Variants in TMC1 observed in about 807,000 individuals in gnomAD.
TMC1 encodes the protein transmembrane channel like 1, also known as transmembrane channel-like protein 1.
TMC1 carries 84 observed loss-of-function variants against 105.8 expected under a neutral mutation model. The ratio of observed to expected loss-of-function variants is 0.79; its 90% CI spans 0.67 to 0.95. TMC1 has a LOEUF of 0.95. TMC1 is among the 40% of genes least tolerant of loss of function. TMC1 has a pLI of 0.00. For missense variants in TMC1, 817 were observed against 914.1 expected (o/e 0.89, Z 1.37); for synonymous variants, 315 against 311.5 (o/e 1.01, Z -0.12).
chr9:72,550,000 G>A (rs1019473649), intron 1 of TMC1, among the ~76,000 whole-genome samples: 14 of 151,508 alleles, frequency 9.2e-5, no homozygotes, highest in Admixed American at 3.3e-4. Flanking sequence ...CACCTACCTC[G>A]GCTTCCCAAA....
rs889903117 is a variant in TMC1, at chr9:72,653,095, T to G, written c.16+4431T>G. 4.6e-5 allele frequency among the ~76,000 whole-genome samples: 7 copies of G among 152,346 alleles called. No individual in the cohort carries two copies. In the East Asian group the frequency reaches 9.6e-4, roughly 21 times the overall value. ...TGGGATTATAAATTCTCATAGAAAT[T>G]CACTTTATTAATTCATTCATTCATC... On this transcript the variant is annotated intron_variant, in intron 5 of 23. Coordinates refer to ENST00000297784, the MANE Select transcript of TMC1 (RefSeq NM_138691.3).
chr9:72,593,515 C>G (rs986628619), intron 2 of TMC1, among the ~76,000 whole-genome samples: 19 of 151,976 alleles, frequency 1.3e-4, no homozygotes, highest in African/African-American at 4.3e-4. Flanking sequence ...GCCTTGGCCT[C>G]CTGAGTAGCT....
chr9:72,625,716 A>T (rs1328824252), intron 3 of TMC1, among the ~76,000 whole-genome samples: 1 of 150,840 alleles, frequency 6.6e-6, no homozygotes. Context: ...AAAAAAAAGG[A>T]ATCAGGGGTT....
At chr9:72,641,138 G>T (rs187116779) in intron 4 of TMC1, among the ~76,000 whole-genome samples, 2 of 152,260 alleles carry the variant, frequency 1.3e-5, no homozygotes, top group Non-Finnish European at 2.9e-5. Flanking sequence ...CTGTTGCCCA[G>T]TCTGGAATGC....
chr9:72,558,475 T>G (rs999001217), intron 1 of TMC1, among the ~76,000 whole-genome samples: 3 of 152,230 alleles, frequency 2.0e-5, no homozygotes, highest in African/African-American at 4.8e-5. Context: ...CTCACAATTG[T>G]GCACTGCCTT....
Position 72,694,676 on chromosome 9 carries a change from A to G in TMC1, c.198A>G (p.Ala66=). 1 of 1,611,800 alleles carries G rather than the reference A, an allele frequency of 6.2e-7. No homozygotes were observed. Among genetic ancestry groups the G allele is most frequent in the Non-Finnish European group, 8.5e-7 (1 of 1,178,808 alleles). The change falls in exon 7 of 24, where the codon GCA becomes GCG. Residue 66 remains alanine, a synonymous_variant. Transcript: ENST00000297784. ...CAGAGGATGAAGAAACAAGGAAGGCAAGAGAAAAAGAGAGGAGGAGGAGGC... is the reference window on the plus strand; with the variant it reads ...CAGAGGATGAAGAAACAAGGAAGGCGAGAGAAAAAGAGAGGAGGAGGAGGC... ...PEPEDEETRK[A]REKERRRRLK...
At chr9:72,794,273 A>G (rs1243114022) in intron 17 of TMC1, among the ~76,000 whole-genome samples, 1 of 152,192 alleles carries the variant, frequency 6.6e-6, no homozygotes, top group Non-Finnish European at 1.5e-5. Flanking sequence ...AAGTTGGAGA[A>G]GAAACATAAC....
At chr9:72,566,190 TTTTG>T (rs972909355) in intron 1 of TMC1, among the ~76,000 whole-genome samples, 12 of 152,262 alleles carry the variant, frequency 7.9e-5, no homozygotes, top group East Asian at 1.9e-4. Context: ...CCAACTAATG[TTTTG>T]TTTGTTTGTT....
intron 2 of TMC1, among the ~76,000 whole-genome samples, chr9:72,588,519 T>C (rs1241509471): frequency 6.6e-6 from 1 of 152,146 alleles, no homozygotes; most frequent in Admixed American, 6.5e-5. Flanking sequence ...ACTCCCAGCC[T>C]CTACATGTGG....
chr9:72,792,009 C>T lies in TMC1; in HGVS notation c.1348C>T (p.Leu450Phe), dbSNP rs768579412. The change falls in exon 16 of 24, where the codon CTT becomes TTT. Residue 450 changes from leucine to phenylalanine, a missense_variant. Transcript: ENST00000297784. ...GCTACTGGGACGCATTTTTGCTCTT[C>T]TTTTAGGCAATTTATACGTATTTAT... ...KWLLGRIFALLLGNLYVFILA... is the reference protein window; with the variant it reads ...KWLLGRIFALFLGNLYVFILA... 1.4e-5 allele frequency: 23 copies of T among 1,613,936 alleles called. No individual in the cohort carries two copies. In the South Asian group the frequency reaches 2.1e-4, roughly 15 times the overall value.
At chr9:72,762,558 T>C (rs1288719922) in intron 12 of TMC1, among the ~76,000 whole-genome samples, 3 of 152,238 alleles carry the variant, frequency 2.0e-5, no homozygotes, top group Non-Finnish European at 4.4e-5. Flanking sequence ...GCTGAACTTC[T>C]AGATCATGAA....
intron 3 of TMC1, among the ~76,000 whole-genome samples, chr9:72,623,761 CTG>C (rs1825297098): frequency 6.6e-6 from 1 of 152,158 alleles, no homozygotes; most frequent in Non-Finnish European, 1.5e-5. Context: ...GGTGCCGTAA[CTG>C]AGCCTTTACC....
At chr9:72,743,486 G>C (rs1436277669) in intron 10 of TMC1, among the ~76,000 whole-genome samples, 3 of 149,578 alleles carry the variant, frequency 2.0e-5, no homozygotes, top group African/African-American at 7.4e-5. Flanking sequence ...AGAATCACTT[G>C]AACCCGAGAG....
chr9:72,679,799 A>G (rs1826258495), intron 5 of TMC1, among the ~76,000 whole-genome samples: 1 of 152,070 alleles, frequency 6.6e-6, no homozygotes. Context: ...TAAGCTTTCA[A>G]TCTATAGTAA....
chr9:72,673,637 T>TA (rs1176860645), intron 5 of TMC1, among the ~76,000 whole-genome samples: 4 of 152,028 alleles, frequency 2.6e-5, no homozygotes, highest in Non-Finnish European at 5.9e-5. Context: ...GATAATATGA[T>TA]AAAAAACTCA....
intron 2 of TMC1, among the ~76,000 whole-genome samples, chr9:72,591,368 T>A (rs1171632393): frequency 6.6e-6 from 1 of 152,132 alleles, no homozygotes; most frequent in African/African-American, 2.4e-5. Flanking sequence ...CTGATTTAAT[T>A]AGTTTAGGTT....
chr9:72,817,039 G>A (rs186144863), intron 19 of TMC1: 13 of 152,090 alleles, frequency 8.5e-5, no homozygotes, highest in African/African-American at 2.9e-4. Context: ...CACAAGTGCC[G>A]GTATAGACTC....
intron 1 of TMC1, among the ~76,000 whole-genome samples, chr9:72,525,035 T>TCCAGAAGG (rs1823382443): frequency 6.6e-6 from 1 of 152,168 alleles, no homozygotes; most frequent in African/African-American, 2.4e-5. Flanking sequence ...AAAGATACGG[T>TCCAGAAGG]CCAGAAGGCC....
chr9:72,613,265 G>T (rs1249597505), intron 2 of TMC1, among the ~76,000 whole-genome samples: 4 of 151,760 alleles, frequency 2.6e-5, no homozygotes, highest in African/African-American at 7.3e-5. Flanking sequence ...CTGAGTAGCT[G>T]GGACTACTGG....
Sources: allele counts gnomAD v4.1 joint callset (sites outside exome capture counted in the v4.1 genomes callset), GRCh38; gene constraint gnomAD v4.1.1; transcripts MANE v1.5; gene names NCBI Gene and HGNC (gene_info 2026-07-23, HGNC 2026-07-21).